The following TRIM62 variants were observed in gnomAD, a reference collection of about 807,000 sequenced individuals.
TRIM62 encodes the protein E3 ubiquitin-protein ligase TRIM62.
A neutral mutation model predicts 44.2 loss-of-function variants in TRIM62; 39 were observed. The ratio of observed to expected loss-of-function variants is 0.88; its 90% CI spans 0.68 to 1.15. The LOEUF (loss-of-function observed/expected upper bound fraction) is 1.15, where lower values mean the gene tolerates loss of function less well. TRIM62 is among the 50% of genes most tolerant of loss of function. The probability of loss-of-function intolerance (pLI) is 0.00; values close to 1 mark genes in which losing one functional copy is unlikely to be tolerated. For missense variants in TRIM62, 544 were observed against 665.5 expected (o/e 0.82, Z 2.01); for synonymous variants, 278 against 292.3 (o/e 0.95, Z 0.50).
At chr1:33,166,327 A>ACCCAAC (rs753038629) in intron 1 of TRIM62, 4 of 151,466 alleles carry the variant, frequency 2.6e-5, no homozygotes, top group Non-Finnish European at 4.4e-5. Context: ...TGAAACCATC[A>ACCCAAC]CCCCACCCCC....
intron 1 of TRIM62, among the ~76,000 whole-genome samples, chr1:33,175,216 T>G (rs1164461393): frequency 6.6e-6 from 1 of 151,530 alleles, no homozygotes; most frequent in African/African-American, 2.4e-5. Flanking sequence ...ATTTTTTTTT[T>G]TTTTGTATTT....
Position 33,147,729 on chromosome 1 carries a change from T to A in TRIM62, c.878-2A>T. ...GGTCCAGGGTTAGGGCGGCTGGCACTGTGGGGGTTGGAGGAGGGAGAGAAG... is the reference window on the plus strand; with the variant it reads ...GGTCCAGGGTTAGGGCGGCTGGCACAGTGGGGGTTGGAGGAGGGAGAGAAG... On this transcript the variant is annotated splice_acceptor_variant, in intron 4 of 4. Coordinates refer to ENST00000291416, the MANE Select transcript of TRIM62 (RefSeq NM_018207.3). LOFTEE classifies it high-confidence loss of function. The surrounding 1 kb of genome is among the most constrained non-coding windows in gnomAD (Gnocchi z 8.1). 3.1e-6 allele frequency: 5 copies of A among 1,607,136 alleles called. No individual in the cohort carries two copies. The highest frequency in any genetic ancestry group is 4.3e-6 in the Non-Finnish European group (5 of 1,175,252).
At chr1:33,170,732 G>A (rs1324429604) in intron 1 of TRIM62, among the ~76,000 whole-genome samples, 4 of 152,180 alleles carry the variant, frequency 2.6e-5, no homozygotes, top group African/African-American at 4.8e-5. Context: ...CCGCTCCAAC[G>A]TGTCTCCTTC....
chr1:33,181,498 T>A lies in TRIM62; in HGVS notation c.-66A>T, dbSNP rs1053562188. 1.4e-5 allele frequency: 21 copies of A among 1,501,480 alleles called. No homozygotes were observed. In the Middle Eastern group the frequency reaches 8.9e-4, roughly 64 times the overall value. The allele number at this position is 1,501,480 out of a possible 1,614,324, so 93.0% of individuals were successfully genotyped here. A position where few individuals can be genotyped will look rare whatever the true frequency, so the allele number is the denominator to read the frequency against. On this transcript the variant is annotated 5_prime_UTR_variant, in exon 1 of 5. Transcript: ENST00000291416. This position sits in a 1 kb window ranked among gnomAD's most constrained non-coding sequence, Gnocchi z 6.5. ...GGGCGGCTGAGAGAGCGCGGCGCTG[T>A]CGGAGGCAGCACCGAGGGCTGGGCG...
chr1:33,178,051 G>A (rs1021763648), intron 1 of TRIM62, among the ~76,000 whole-genome samples: 2 of 152,132 alleles, frequency 1.3e-5, no homozygotes, highest in African/African-American at 4.8e-5. Context: ...TATAATAAAT[G>A]TAAAAGCTGC....
intron 2 of TRIM62, chr1:33,163,278 A>T (rs1015753047): frequency 6.6e-6 from 1 of 151,996 alleles, no homozygotes; most frequent in Non-Finnish European, 1.5e-5. Context: ...ACCTCAGGTG[A>T]TCCGCCCGCC....
rs866796791 is a variant in TRIM62, at chr1:33,146,165, A to G, written c.*1012T>C. The G allele has an allele frequency of 7.0e-5, 18 of 256,660 alleles. 1 individual carries two copies. The highest frequency in any genetic ancestry group is 1.6e-3 in the Middle Eastern group (1 of 642). 15.9% of individuals were successfully genotyped at this position (256,660 alleles called of 1,614,324 possible). ...CAGAGTCTGCTTCTCCAGCTCTTCCAACAATTTTGCAAGCCACCAGGGGCC... is the reference window on the plus strand; with the variant it reads ...CAGAGTCTGCTTCTCCAGCTCTTCCGACAATTTTGCAAGCCACCAGGGGCC... On this transcript the variant is annotated 3_prime_UTR_variant, in exon 5 of 5. Transcript: ENST00000291416.
chr1:33,156,433 G>T (rs560922332), intron 4 of TRIM62, among the ~76,000 whole-genome samples: 21 of 152,286 alleles, frequency 1.4e-4, no homozygotes, highest in African/African-American at 5.1e-4. Context: ...TCCCATGCTT[G>T]GCTCAGCAGC....
intron 1 of TRIM62, chr1:33,176,387 G>A: frequency 1.5e-6 from 1 of 684,714 alleles, no homozygotes; most frequent in Non-Finnish European, 2.7e-6. Context: ...TGGTGTCACT[G>A]GATCACCATA....
rs148858958 is a variant in TRIM62, at chr1:33,178,064, G to A, written c.408+2961C>T. On this transcript the variant is annotated intron_variant, in intron 1 of 4. Transcript: ENST00000291416. The stretch of plus-strand genomic sequence containing the variant: ...TTTATAATAAATGTAAAAGCTGCAC[G>A]CCAACTGCTAGGTAGGGTGTTGGGA... 2.6e-3 allele frequency among the ~76,000 whole-genome samples: 391 copies of A among 152,246 alleles called. 2 individuals carry two copies. Among genetic ancestry groups the A allele is most frequent in the Admixed American group, 0.011 (165 of 15,302 alleles).
rs555492598 is a variant in TRIM62, at chr1:33,173,716, A to G, written c.408+7309T>C. On this transcript the variant is annotated intron_variant, in intron 1 of 4. Transcript: ENST00000291416. ...TTCCCTAATTAAAAAAAATTTTTTT[A>G]GAGACAAGGGCTCACTCTATCACCT... is the stretch of plus-strand genomic sequence containing the variant. Among the ~76,000 whole-genome samples, 6 of 149,766 alleles carry G rather than the reference A, an allele frequency of 4.0e-5. No individual in the cohort carries two copies. The South Asian group carries it at 1.3e-3, about 32-fold the overall frequency.
At chr1:33,178,182 C>T (rs1445331740) in intron 1 of TRIM62, among the ~76,000 whole-genome samples, 1 of 152,176 alleles carries the variant, frequency 6.6e-6, no homozygotes, top group Non-Finnish European at 1.5e-5. Context: ...CCCCATCTGT[C>T]AAGTGGATGT....
chr1:33,151,291 C>T (rs1645094132), intron 4 of TRIM62, among the ~76,000 whole-genome samples: 1 of 152,016 alleles, frequency 6.6e-6, no homozygotes, highest in African/African-American at 2.4e-5. Context: ...ACTGGGCCGG[C>T]CTAGGGGCAG....
At chr1:33,176,617 C>T (rs1046222060) in intron 1 of TRIM62, 7 of 506,884 alleles carry the variant, frequency 1.4e-5, no homozygotes, top group African/African-American at 3.8e-5. Flanking sequence ...GCCCTCGGGG[C>T]GTCAGCTGGC....
At position 33,181,534 on chromosome 1, in the gene TRIM62, G is replaced by A; in HGVS notation, c.-102C>T. On this transcript the variant is annotated 5_prime_UTR_variant, in exon 1 of 5. Transcript: ENST00000291416. The surrounding 1 kb of genome is among the most constrained non-coding windows in gnomAD (Gnocchi z 6.5). The stretch of plus-strand genomic sequence containing the variant: ...ACCGAGGGCTGGGCGCGGGGACGAG[G>A]CCCGCACAGGCAGGGGTAGGAGCTA... 6 of 1,446,130 alleles carry A rather than the reference G, an allele frequency of 4.1e-6. No individual in the cohort carries two copies. 89.6% of individuals were successfully genotyped at this position (1,446,130 alleles called of 1,614,324 possible).
At position 33,165,641 on chromosome 1, in the gene TRIM62, G is replaced by C. The variant is rs1353059877; in HGVS notation, c.409-75C>G. 2.3e-6 allele frequency: 3 copies of C among 1,330,704 alleles called. No individual in the cohort carries two copies. Among genetic ancestry groups the C allele is most frequent in the African/African-American group, 1.5e-5 (1 of 67,362 alleles). 82.4% of individuals were successfully genotyped at this position (1,330,704 alleles called of 1,614,324 possible). ...GGCATTCAGCCCTGACCACTGCCAG[G>C]CGCTGGGGGTTAGCCTGGTCTCTGT... is the stretch of plus-strand genomic sequence containing the variant. On this transcript the variant is annotated intron_variant, in intron 1 of 4. Transcript: ENST00000291416. The surrounding 1 kb of genome is among the most constrained non-coding windows in gnomAD (Gnocchi z 4.0).
chr1:33,146,983 AAC>A lies in TRIM62; in HGVS notation c.*192_*193del. On this transcript the variant is annotated 3_prime_UTR_variant, in exon 5 of 5. Transcript: ENST00000291416. ...ATCCCTATCAAGGTCAGAGCTACAGAACATCGATGCTGGAAGAGAGTTTAGGA... is the reference window on the plus strand; with the variant it reads ...ATCCCTATCAAGGTCAGAGCTACAGAATCGATGCTGGAAGAGAGTTTAGGA... 1 of 623,276 alleles carries A rather than the reference AAC, an allele frequency of 1.6e-6. No individual in the cohort carries two copies. The highest frequency in any genetic ancestry group is 2.8e-6 in the Non-Finnish European group (1 of 357,652). 38.6% of individuals were successfully genotyped at this position (623,276 alleles called of 1,614,324 possible).
At position 33,147,697 on chromosome 1, in the gene TRIM62, G is replaced by A. The variant is rs1645039540; in HGVS notation, c.908C>T (p.Thr303Ile). The A allele has an allele frequency of 1.9e-6, 3 of 1,613,110 alleles. No individual in the cohort carries two copies. The highest frequency in any genetic ancestry group is 2.5e-6 in the Non-Finnish European group (3 of 1,179,654). The change falls in exon 5 of 5, where the codon ACA (threonine) becomes ATA (isoleucine). Residue 303 changes from threonine (T) to isoleucine (I), a missense_variant. By Grantham distance (89) the Thr-to-Ile change is moderately conservative (BLOSUM62 -1). Coordinates refer to ENST00000291416, the MANE Select transcript of TRIM62 (RefSeq NM_018207.3). The surrounding 1 kb of genome is among the most constrained non-coding windows in gnomAD (Gnocchi z 8.1). ...CGACAGGATCAGGCGCTGGTGGGCT[G>A]TGCCCGGGTCCAGGGTTAGGGCGGC... ...VPAALTLDPG[T>I]AHQRLILSDD...
At chr1:33,151,024 G>T (rs1263587826) in intron 4 of TRIM62, among the ~76,000 whole-genome samples, 5 of 152,060 alleles carry the variant, frequency 3.3e-5, no homozygotes, top group African/African-American at 1.2e-4. Flanking sequence ...GGGGCGGGGG[G>T]TACCCTCAAG....
Sources: gnomAD v4.1 joint callset for allele counts (sites outside exome capture counted in the v4.1 genomes callset) on GRCh38, gnomAD v4.1.1 for gene constraint, Gnocchi (gnomAD v3.1) non-coding constraint, MANE v1.5 for transcripts, NCBI Gene and HGNC (gene_info 2026-07-23, HGNC 2026-07-21) for gene names.